Variants in CHLSN observed in about 807,000 individuals in gnomAD.
The protein encoded by CHLSN is cholesin, also known as protein cholesin.
the CHLSN span, among the ~76,000 whole-genome samples, chr7:1,103,400 T>C: frequency 6.6e-6 from 1 of 152,160 alleles, no homozygotes; most frequent in Non-Finnish European, 1.5e-5. Flanking sequence ...TCAGGCGCTA[T>C]GCACACAACA....
chr7:1,035,034 C>T, the CHLSN span, among the ~76,000 whole-genome samples: 1 of 152,260 alleles, frequency 6.6e-6, no homozygotes, highest in African/African-American at 2.4e-5. Flanking sequence ...TTTCTTCATC[C>T]AATCTGCCAT....
chr7:1,025,420 GC>G, the CHLSN span: 1 of 152,466 alleles, frequency 6.6e-6, no homozygotes, highest in Non-Finnish European at 1.5e-5. Flanking sequence ...TACTGAGCAA[GC>G]CTGTTGTGGG....
the CHLSN span, among the ~76,000 whole-genome samples, chr7:1,009,720 A>G: frequency 1.3e-5 from 2 of 152,218 alleles, no homozygotes; most frequent in African/African-American, 2.4e-5. Context: ...GCACAGTTCC[A>G]GGCAACCCCT....
the CHLSN span, among the ~76,000 whole-genome samples, chr7:1,060,528 C>T: frequency 9.2e-5 from 14 of 152,120 alleles, no homozygotes; most frequent in Non-Finnish European, 1.9e-4. Context: ...CAGCCATCGA[C>T]GTGGGGACGT....
the CHLSN span, among the ~76,000 whole-genome samples, chr7:1,120,123 G>C: frequency 6.6e-6 from 1 of 151,876 alleles, no homozygotes; most frequent in Admixed American, 6.6e-5. Context: ...AGAATGATGA[G>C]ACTACACCTA....
chr7:1,091,228 C>T, the CHLSN span, among the ~76,000 whole-genome samples: 1 of 152,186 alleles, frequency 6.6e-6, no homozygotes. Context: ...TTCCCACAGG[C>T]GACTCTTCCA....
At chr7:1,099,125 C>T in the CHLSN span, among the ~76,000 whole-genome samples, 1 of 138,194 alleles carries the variant, frequency 7.2e-6, no homozygotes, top group African/African-American at 2.7e-5. Flanking sequence ...TGTCGCGTTC[C>T]TGCAGCCGGC....
chr7:1,101,720 G>T, the CHLSN span, among the ~76,000 whole-genome samples: 1 of 152,232 alleles, frequency 6.6e-6, no homozygotes, highest in Non-Finnish European at 1.5e-5. Flanking sequence ...ACGGCAGCCT[G>T]AACTCCCAGC....
the CHLSN span, among the ~76,000 whole-genome samples, chr7:1,018,309 G>T: frequency 1.3e-5 from 2 of 152,174 alleles, no homozygotes; most frequent in Non-Finnish European, 2.9e-5. Flanking sequence ...ACGAAAGCAC[G>T]TCTTTCTTCT....
chr7:1,105,902 T>C, the CHLSN span, among the ~76,000 whole-genome samples: 6 of 152,184 alleles, frequency 3.9e-5, no homozygotes, highest in African/African-American at 1.2e-4. Flanking sequence ...TAAAAGACCA[T>C]GTATAAATCA....
chr7:1,009,752 C>T, the CHLSN span, among the ~76,000 whole-genome samples: 3 of 152,362 alleles, frequency 2.0e-5, no homozygotes, highest in Admixed American at 6.5e-5. Flanking sequence ...GGCTCTGCTG[C>T]CGCCCCTGAA....
At chr7:1,125,871 G>A in the CHLSN span, among the ~76,000 whole-genome samples, 1 of 152,200 alleles carries the variant, frequency 6.6e-6, no homozygotes, top group African/African-American at 2.4e-5. Flanking sequence ...AGAATCATTT[G>A]TGAAAATTCC....
chr7:1,078,217 G>A, the CHLSN span, among the ~76,000 whole-genome samples: 7 of 152,174 alleles, frequency 4.6e-5, no homozygotes, highest in Non-Finnish European at 1.0e-4. Flanking sequence ...GGATTTCTGC[G>A]GCAGGGCAAG....
chr7:1,078,172 G>C, the CHLSN span: 1 of 152,244 alleles, frequency 6.6e-6, no homozygotes. Flanking sequence ...ACACGTCAGG[G>C]TTTTGGCTCA....
chr7:1,133,482 G>A, the CHLSN span, among the ~76,000 whole-genome samples: 3 of 151,736 alleles, frequency 2.0e-5, no homozygotes, highest in African/African-American at 4.8e-5. Flanking sequence ...CAGGCACGGT[G>A]GCTCACGCCT....
chr7:1,088,903 A>T, the CHLSN span, among the ~76,000 whole-genome samples: 1 of 151,572 alleles, frequency 6.6e-6, no homozygotes, highest in Non-Finnish European at 1.5e-5. This position sits in a 1 kb window ranked among gnomAD's most constrained non-coding sequence, Gnocchi z 4.5. Flanking sequence ...CACATCAGAC[A>T]CCAGGTCCCG....
At chr7:1,061,136 C>CA in the CHLSN span, among the ~76,000 whole-genome samples, 4 of 152,332 alleles carry the variant, frequency 2.6e-5, no homozygotes, top group South Asian at 8.3e-4. Context: ...TCCCCAAAGG[C>CA]AGGAGGGGCC....
At chr7:1,002,367 G>A in the CHLSN span, among the ~76,000 whole-genome samples, 1 of 126,512 alleles carries the variant, frequency 7.9e-6, no homozygotes, top group Admixed American at 7.8e-5. Flanking sequence ...GTGGGTGAAT[G>A]GAGTCCTGTG....
At chr7:1,010,182 G>A in the CHLSN span, 19 of 1,568,792 alleles carry the variant, frequency 1.2e-5, no homozygotes, top group Admixed American at 5.4e-5. Flanking sequence ...GGGGATGGAG[G>A]GTATCCAGAG....
Sources: allele counts gnomAD v4.1 joint callset (sites outside exome capture counted in the v4.1 genomes callset), GRCh38; gene constraint gnomAD v4.1.1; non-coding constraint Gnocchi (gnomAD v3.1); transcripts MANE v1.5; gene names NCBI Gene and HGNC (gene_info 2026-07-23, HGNC 2026-07-21).